The following RNF217 variants were observed in gnomAD, a reference collection of about 807,000 sequenced individuals.
RNF217 encodes the protein E3 ubiquitin-protein ligase RNF217.
RNF217 carries 31 observed loss-of-function variants against 57.8 expected under a neutral mutation model. That is an observed-to-expected ratio of 0.54 (90% CI 0.40 to 0.72). RNF217 has a LOEUF of 0.72. Among genes scored for constraint, RNF217 ranks in the 30% least tolerant of loss-of-function variants. The pLI is 0.00. For synonymous variants in RNF217, 313 were observed against 294.0 expected, an observed-to-expected ratio of 1.06 and a Z score of -0.66; for missense variants, 696 against 708.3, an observed-to-expected ratio of 0.98 and a Z score of 0.20.
intron 3 of RNF217, among the ~76,000 whole-genome samples, chr6:125,063,090 T>G (rs1484912890): frequency 3.9e-5 from 6 of 152,204 alleles, no homozygotes; most frequent in African/African-American, 1.4e-4. Flanking sequence ...AATATTAAAT[T>G]TAAAGCAAGT....
chr6:124,993,657 T>G (rs575258183), intron 1 of RNF217, among the ~76,000 whole-genome samples: 1 of 152,272 alleles, frequency 6.6e-6, no homozygotes, highest in South Asian at 2.1e-4. Flanking sequence ...TAGTAGGTGC[T>G]ACATTAGAGC....
chr6:125,074,349 A>G, intron 3 of RNF217, among the ~76,000 whole-genome samples: 1 of 139,392 alleles, frequency 7.2e-6, no homozygotes. Flanking sequence ...AGATAGATAG[A>G]TAGGGATGGG....
rs1562502761 is a variant in RNF217, at chr6:125,086,068, T to C, written c.*3131T>C. 6.6e-6 allele frequency: 1 copy of C among 152,126 alleles called. No individual in the cohort carries two copies. Among genetic ancestry groups the C allele is most frequent in the East Asian group, 1.9e-4 (1 of 5,184 alleles). The allele number at this position is 152,126 out of a possible 1,614,324, so 9.4% of individuals were successfully genotyped here. On this transcript the variant is annotated 3_prime_UTR_variant, in exon 6 of 6. Coordinates refer to ENST00000521654, the MANE Select transcript of RNF217 (RefSeq NM_001286398.3). ...AGTGAAGACCCTTTTGCATATATTT[T>C]TGTCACCTTGCATGAACATATCCAT...
chr6:125,070,603 T>C (rs1209814658), intron 3 of RNF217, among the ~76,000 whole-genome samples: 1 of 152,230 alleles, frequency 6.6e-6, no homozygotes, highest in African/African-American at 2.4e-5. Context: ...TTAGTGATGC[T>C]GAGCATTTTT....
intron 1 of RNF217, 93 bp from the exon 2 acceptor site, chr6:125,045,118 G>T: frequency 1.4e-6 from 1 of 740,382 alleles, no homozygotes; most frequent in Non-Finnish European, 2.3e-6. Context: ...CTTTATTGCG[G>T]TCATGAAATA....
chr6:125,013,388 T>TGC (rs1491075062), intron 1 of RNF217, among the ~76,000 whole-genome samples: 1 of 139,702 alleles, frequency 7.2e-6, no homozygotes, highest in Non-Finnish European at 1.6e-5. Context: ...TGTGTGTGTG[T>TGC]GCTGTTTTTG....
intron 1 of RNF217, among the ~76,000 whole-genome samples, chr6:124,971,766 A>T (rs62431250): frequency 0.011 from 1,673 of 152,272 alleles, 19 homozygotes; most frequent in Middle Eastern, 0.031. Context: ...TTTACTGTTA[A>T]GTTTTAATGG....
At chr6:125,066,105 A>G (rs1299209175) in intron 3 of RNF217, among the ~76,000 whole-genome samples, 2 of 152,136 alleles carry the variant, frequency 1.3e-5, no homozygotes, top group Non-Finnish European at 2.9e-5. Flanking sequence ...ACTAAAATGT[A>G]TTTAGAATCT....
chr6:125,068,546 A>G (rs1192712276), intron 3 of RNF217, among the ~76,000 whole-genome samples: 3 of 152,186 alleles, frequency 2.0e-5, no homozygotes, highest in Non-Finnish European at 4.4e-5. Context: ...GTCTACACCT[A>G]TAAGCTCCTT....
chr6:125,050,315 T>C (rs1787260925), intron 2 of RNF217, among the ~76,000 whole-genome samples: 1 of 151,976 alleles, frequency 6.6e-6, no homozygotes, highest in Non-Finnish European at 1.5e-5. Context: ...ATCCCCATTC[T>C]TCTTCCCACA....
Position 125,084,620 on chromosome 6 carries a change from T to C in RNF217, c.*1683T>C, listed in dbSNP as rs1037941834. On this transcript the variant is annotated 3_prime_UTR_variant, in exon 6 of 6. Coordinates refer to ENST00000521654, the MANE Select transcript of RNF217 (RefSeq NM_001286398.3). The stretch of plus-strand genomic sequence containing the variant: ...TTTTTGTTTGACATAAAAAGTGAAG[T>C]TGACTTGCGTGAATAACAATCCAGC... 6.6e-6 allele frequency: 1 copy of C among 151,984 alleles called. No individual in the cohort carries two copies. Among genetic ancestry groups the C allele is most frequent in the African/African-American group, 2.4e-5 (1 of 41,416 alleles). The allele number at this position is 151,984 out of a possible 1,614,324, so 9.4% of individuals were successfully genotyped here.
At chr6:125,042,994 T>C (rs1259233543) in intron 1 of RNF217, among the ~76,000 whole-genome samples, 4 of 151,946 alleles carry the variant, frequency 2.6e-5, no homozygotes, top group Admixed American at 2.6e-4. Context: ...AAAGAAACTA[T>C]CTCTCACATT....
intron 1 of RNF217, among the ~76,000 whole-genome samples, chr6:125,040,667 G>T (rs1312330247): frequency 1.3e-5 from 2 of 152,140 alleles, no homozygotes; most frequent in Non-Finnish European, 2.9e-5. Flanking sequence ...AATCCCTCAT[G>T]AACATTGAAG....
intron 3 of RNF217, among the ~76,000 whole-genome samples, chr6:125,070,655 T>C (rs1788098815): frequency 6.6e-6 from 1 of 152,248 alleles, no homozygotes; most frequent in Non-Finnish European, 1.5e-5. Context: ...TTTTGAGAAA[T>C]GTCTATTCAT....
intron 1 of RNF217, among the ~76,000 whole-genome samples, chr6:125,012,471 G>A (rs1785449253): frequency 6.6e-6 from 1 of 152,016 alleles, no homozygotes; most frequent in Non-Finnish European, 1.5e-5. Flanking sequence ...GTTCACAATT[G>A]TTTATACTAC....
intron 2 of RNF217, among the ~76,000 whole-genome samples, chr6:125,054,118 T>C (rs1787431472): frequency 6.6e-6 from 1 of 152,124 alleles, no homozygotes; most frequent in African/African-American, 2.4e-5. Flanking sequence ...AGTGAACTTG[T>C]GGGCTGTTGG....
chr6:124,988,643 A>G (rs1784442869), intron 1 of RNF217, among the ~76,000 whole-genome samples: 1 of 152,204 alleles, frequency 6.6e-6, no homozygotes, highest in Admixed American at 6.5e-5. Flanking sequence ...TTTTGCCACC[A>G]TCCATTTTAA....
intron 1 of RNF217, among the ~76,000 whole-genome samples, chr6:124,970,224 CTT>C (rs938394347): frequency 6.6e-6 from 1 of 152,128 alleles, no homozygotes; most frequent in African/African-American, 2.4e-5. Context: ...TACTCCATCT[CTT>C]TGTGGAAAAT....
At chr6:125,051,286 C>T (rs1787306303) in intron 2 of RNF217, among the ~76,000 whole-genome samples, 1 of 151,888 alleles carries the variant, frequency 6.6e-6, no homozygotes, top group African/African-American at 2.4e-5. Flanking sequence ...ATCCTATTGT[C>T]ATTGGGTCTT....
Sources: gnomAD v4.1 joint callset for allele counts (sites outside exome capture counted in the v4.1 genomes callset) on GRCh38, gnomAD v4.1.1 for gene constraint, MANE v1.5 for transcripts, NCBI Gene and HGNC (gene_info 2026-07-23, HGNC 2026-07-21) for gene names.